The following MRTFB variants were observed in gnomAD, a reference collection of about 807,000 sequenced individuals.
The protein encoded by MRTFB is myocardin related transcription factor B.
Under a neutral mutation model 104.2 loss-of-function variants are expected in MRTFB, and 29 were observed. That is an observed-to-expected ratio of 0.28 (90% CI 0.21 to 0.38). The LOEUF (loss-of-function observed/expected upper bound fraction) is 0.38. Ranked by LOEUF, MRTFB falls within the 10% of genes least tolerant of loss-of-function variation. The probability of loss-of-function intolerance (pLI) is 1.00; values close to 1 mark genes in which losing one functional copy is unlikely to be tolerated. For synonymous variants in MRTFB, 535 were observed against 519.5 expected (o/e 1.03, Z -0.41); for missense variants, 1,270 against 1,341.6 (o/e 0.95, Z 0.83).
At chr16:14,154,499 A>G (rs183082534) in intron 3 of MRTFB, among the ~76,000 whole-genome samples, 73 of 152,344 alleles carry the variant, frequency 4.8e-4, no homozygotes, top group African/African-American at 1.7e-3. Context: ...TATTTAGATC[A>G]TTTACATTTA....
rs1236266623 is a variant in MRTFB at position 14,087,154 on chromosome 16, A to C, written c.-64+7800A>C. ...CTAGCAAAGCCAACACTCGGGGCTTACTTCTGTAGTATCTGCAGCTGAATT... is the reference window on the plus strand; with the variant it reads ...CTAGCAAAGCCAACACTCGGGGCTTCCTTCTGTAGTATCTGCAGCTGAATT... On this transcript the variant is annotated intron_variant, in intron 2 of 16. Coordinates refer to ENST00000571589, the MANE Select transcript of MRTFB (RefSeq NM_001308142.2). Among the ~76,000 whole-genome samples the C allele has an allele frequency of 2.0e-5, 3 of 152,238 alleles. No individual in the cohort carries two copies. The East Asian group carries it at 5.8e-4, about 29-fold the overall frequency.
intron 3 of MRTFB, chr16:14,144,068 G>GT (rs960167397): frequency 1.3e-5 from 2 of 152,106 alleles, no homozygotes; most frequent in South Asian, 4.1e-4. Context: ...TAATGTATTG[G>GT]TTTTTTTCTC....
intron 3 of MRTFB, among the ~76,000 whole-genome samples, chr16:14,145,396 A>G (rs984911279): frequency 2.6e-5 from 4 of 152,208 alleles, no homozygotes; most frequent in East Asian, 1.9e-4. Flanking sequence ...TAAAAGGGTA[A>G]TATATAATAG....
chr16:14,087,632 C>T (rs1408921531), intron 2 of MRTFB, among the ~76,000 whole-genome samples: 1 of 152,198 alleles, frequency 6.6e-6, no homozygotes, highest in Non-Finnish European at 1.5e-5. Context: ...GTATGTTAAA[C>T]TCAGTAAGTT....
rs1404628306 is a variant in MRTFB, at chr16:14,218,702, A to AG, written c.515-118_515-117insG. The AG allele has an allele frequency of 3.9e-6, 4 of 1,033,002 alleles. No individual in the cohort carries two copies. The African/African-American group carries it at 4.8e-5, about 12-fold the overall frequency. 64.0% of individuals were successfully genotyped at this position (1,033,002 alleles called of 1,614,324 possible). A position where few individuals can be genotyped will look rare whatever the true frequency, so the allele number is the denominator to read the frequency against. On this transcript the variant is annotated intron_variant, in intron 7 of 16. Transcript: ENST00000571589. Reference sequence around the variant, plus strand: ...TTGCACTGGGAGGTACATTGTGTTCAATTTTTTTTTTAAGCAGCTTCATAA... The same window carrying AG: ...TTGCACTGGGAGGTACATTGTGTTCAGATTTTTTTTTTAAGCAGCTTCATAA...
At chr16:14,034,533 G>A in the MRTFB span, among the ~76,000 whole-genome samples, 1 of 149,804 alleles carries the variant, frequency 6.7e-6, no homozygotes, top group African/African-American at 2.5e-5. Context: ...AGAATCACTT[G>A]AACCCAGGAG....
intron 2 of MRTFB, among the ~76,000 whole-genome samples, chr16:14,111,131 G>A (rs1160641736): frequency 1.3e-5 from 2 of 152,024 alleles, no homozygotes; most frequent in African/African-American, 2.4e-5. Flanking sequence ...AAATACCTTA[G>A]CCTATAAATT....
At chr16:14,187,047 T>C in intron 3 of MRTFB, 1 of 1,588,864 alleles carries the variant, frequency 6.3e-7, no homozygotes, top group Non-Finnish European at 8.5e-7. Context: ...TCAGTCTGTC[T>C]GTGGACAGGG....
chr16:14,059,127 T>C, the MRTFB span, among the ~76,000 whole-genome samples: 1 of 152,160 alleles, frequency 6.6e-6, no homozygotes, highest in Non-Finnish European at 1.5e-5. Context: ...GGGATACAGA[T>C]ATTTTGATAC....
At chr16:14,018,263 G>T in the MRTFB span, among the ~76,000 whole-genome samples, 1 of 152,058 alleles carries the variant, frequency 6.6e-6, no homozygotes, top group Non-Finnish European at 1.5e-5. Flanking sequence ...ATGAACTTGG[G>T]CCTCTCTGAG....
chr16:14,179,282 G>A (rs1283701128), intron 3 of MRTFB, among the ~76,000 whole-genome samples: 4 of 152,142 alleles, frequency 2.6e-5, no homozygotes, highest in Admixed American at 2.0e-4. Context: ...CTCTAGCACT[G>A]GTTTATGCCA....
the MRTFB span, among the ~76,000 whole-genome samples, chr16:14,032,617 A>C: frequency 6.6e-6 from 1 of 152,130 alleles, no homozygotes; most frequent in African/African-American, 2.4e-5. Context: ...GGAACCTCCA[A>C]TTTGTCAGAC....
the MRTFB span, among the ~76,000 whole-genome samples, chr16:14,035,711 GATTTCCATATAATT>G: frequency 1.9e-3 from 286 of 152,122 alleles, 4 homozygotes; most frequent in African/African-American, 6.6e-3. Context: ...AAAAAAAAAT[GATTTCCATATAATT>G]ATTTCCATAT....
chr16:14,026,789 A>G, the MRTFB span, among the ~76,000 whole-genome samples: 1 of 152,362 alleles, frequency 6.6e-6, no homozygotes, highest in East Asian at 1.9e-4. Flanking sequence ...GCATACAAGC[A>G]CATGGAAAGA....
At chr16:14,064,038 T>C in the MRTFB span, among the ~76,000 whole-genome samples, 11 of 152,344 alleles carry the variant, frequency 7.2e-5, no homozygotes, top group Middle Eastern at 3.4e-3. Flanking sequence ...TTAAGTTCAT[T>C]GAGAAATTGT....
At chr16:14,060,615 A>G in the MRTFB span, among the ~76,000 whole-genome samples, 1 of 152,130 alleles carries the variant, frequency 6.6e-6, no homozygotes, top group Admixed American at 6.6e-5. Context: ...CAGGCTTGGC[A>G]GTGCAACAGA....
In MRTFB at chr16:14,137,906, A is replaced by C. The variant is rs185690697; in HGVS notation, c.-63-2638A>C. On this transcript the variant is annotated intron_variant, in intron 2 of 16. Coordinates refer to ENST00000571589, the MANE Select transcript of MRTFB (RefSeq NM_001308142.2). The stretch of plus-strand genomic sequence containing the variant: ...TTAATGTAATTATTGATAAGGTTGG[A>C]TTTAGGTCTATTTTGCTATTTGTTT... 3.4e-3 allele frequency among the ~76,000 whole-genome samples: 518 copies of C among 152,072 alleles called. 4 individuals carry two copies. The highest frequency in any genetic ancestry group is 4.5e-3 in the Non-Finnish European group (306 of 67,928).
At chr16:14,140,017 A>C (rs927851880) in intron 2 of MRTFB, among the ~76,000 whole-genome samples, 8 of 152,216 alleles carry the variant, frequency 5.3e-5, no homozygotes, top group Non-Finnish European at 2.9e-5. Context: ...TCAGTGACTT[A>C]AAAGTTTGTT....
intron 2 of MRTFB, among the ~76,000 whole-genome samples, chr16:14,120,896 T>C (rs968950527): frequency 6.6e-6 from 1 of 152,178 alleles, no homozygotes; most frequent in Non-Finnish European, 1.5e-5. Flanking sequence ...CTGGTAGATA[T>C]AGAAGTAGGG....
Sources: gnomAD v4.1 joint callset for allele counts (sites outside exome capture counted in the v4.1 genomes callset) on GRCh38, gnomAD v4.1.1 for gene constraint, MANE v1.5 for transcripts, NCBI Gene and HGNC (gene_info 2026-07-23, HGNC 2026-07-21) for gene names.